CRACR2A: variants seen among roughly 807,000 people sequenced by gnomAD.
CRACR2A encodes calcium release activated channel regulator 2A.
CRACR2A carries 79 observed loss-of-function variants against 90.5 expected under a neutral mutation model. That is an observed-to-expected ratio of 0.87 (90% CI 0.73 to 1.05). CRACR2A has a LOEUF of 1.05. CRACR2A is among the 50% of genes least tolerant of loss of function. CRACR2A has a pLI of 0.00. For missense variants in CRACR2A, 823 were observed against 897.2 expected, an observed-to-expected ratio of 0.92 and a Z score of 1.06; for synonymous variants, 338 against 356.7, an observed-to-expected ratio of 0.95 and a Z score of 0.59.
chr12:3,747,499 C>T (rs547467121), intron 1 of CRACR2A, among the ~76,000 whole-genome samples: 6 of 152,256 alleles, frequency 3.9e-5, no homozygotes, highest in East Asian at 3.9e-4. Context: ...TTATGTGCAG[C>T]GGACAATGTG....
At chr12:3,636,976 C>G (rs925939543) in intron 14 of CRACR2A, among the ~76,000 whole-genome samples, 1 of 152,234 alleles carries the variant, frequency 6.6e-6, no homozygotes, top group African/African-American at 2.4e-5. Flanking sequence ...TGCCGTGGAT[C>G]GTTCTAAACT....
intron 17 of CRACR2A, among the ~76,000 whole-genome samples, chr12:3,625,734 G>A (rs539704184): frequency 2.6e-5 from 4 of 151,330 alleles, no homozygotes; most frequent in Admixed American, 6.6e-5. Flanking sequence ...ACCTGGATCC[G>A]TGACCACTAA....
chr12:3,671,478 T>TGA (rs1945241139), intron 7 of CRACR2A, among the ~76,000 whole-genome samples: 1 of 152,170 alleles, frequency 6.6e-6, no homozygotes, highest in African/African-American at 2.4e-5. Context: ...CAGAAACTCC[T>TGA]GATTCCGAGC....
chr12:3,740,465 T>G (rs560073208), intron 1 of CRACR2A, among the ~76,000 whole-genome samples: 2 of 152,258 alleles, frequency 1.3e-5, no homozygotes, highest in South Asian at 4.2e-4. Flanking sequence ...ATTTGCAACT[T>G]ACATGTCCTT....
chr12:3,678,980 G>A lies in CRACR2A; in HGVS notation c.459C>T (p.Gly153=), dbSNP rs754763063. 23 of 1,613,638 alleles carry A rather than the reference G, an allele frequency of 1.4e-5. No individual in the cohort carries two copies. Among genetic ancestry groups the A allele is most frequent in the Middle Eastern group, 1.6e-4 (1 of 6,084 alleles). Residue 153 remains glycine (G), a synonymous_variant, in exon 6 of 20, where the codon GGC becomes GGT. Transcript: ENST00000440314. ...SRGDEDLGDM[G]EDEEAQFRML... ...TCCGGAACTGGGCTTCCTCATCTTC[G>A]CCCATGTCGCCCAGATCCTCATCCC...
chr12:3,624,565 C>G (rs1217747492), intron 17 of CRACR2A, among the ~76,000 whole-genome samples: 1 of 152,226 alleles, frequency 6.6e-6, no homozygotes, highest in African/African-American at 2.4e-5. Flanking sequence ...GCCTCCTGCA[C>G]TTGTTTCTGA....
Position 3,638,280 on chromosome 12 carries a change from G to A in CRACR2A, c.1446C>T (p.Leu482=), listed in dbSNP as rs1228210538. The A allele has an allele frequency of 3.2e-6, 5 of 1,551,568 alleles. No homozygotes were observed. The African/African-American group carries it at 6.8e-5, about 21-fold the overall frequency. The change falls in exon 14 of 20, where the codon CTC becomes CTT. Residue 482 remains leucine (L), a synonymous_variant. Transcript: ENST00000440314. ...ISVEEDPLPQ[L]LDGGFEQPLS... ...GGGGTTGCTCAAAGCCACCATCCAG[G>A]AGCTGGGGCAGGGGGTCTTCTTCAA... is the stretch of plus-strand genomic sequence containing the variant.
intron 1 of CRACR2A, among the ~76,000 whole-genome samples, chr12:3,735,265 T>C (rs950713598): frequency 2.0e-5 from 3 of 152,058 alleles, no homozygotes; most frequent in Non-Finnish European, 4.4e-5. Context: ...GCCCAACTCC[T>C]GGAAAAGAGG....
rs569549929 is a variant in CRACR2A at position 3,678,908 on chromosome 12, C to T, written c.524+7G>A. The T allele has an allele frequency of 6.3e-7, 1 of 1,598,286 alleles. No homozygotes were observed. Among genetic ancestry groups the T allele is most frequent in the East Asian group, 2.2e-5 (1 of 44,666 alleles). Reference sequence around the variant, plus strand: ...TCTCCGTTCTACAAATCACTGTCACCACTTACTCTTCCAACACCTTTTGGG... The same window carrying T: ...TCTCCGTTCTACAAATCACTGTCACTACTTACTCTTCCAACACCTTTTGGG... On this transcript the variant is annotated splice_region_variant and intron_variant, in intron 6 of 19. Transcript: ENST00000440314.
At chr12:3,723,669 C>T (rs890256382) in intron 2 of CRACR2A, among the ~76,000 whole-genome samples, 6 of 152,030 alleles carry the variant, frequency 3.9e-5, no homozygotes, top group Non-Finnish European at 2.9e-5. Context: ...AGAGGCCAGG[C>T]CTTTCTCTCT....
At chr12:3,720,088 C>T (rs1021337345) in intron 2 of CRACR2A, among the ~76,000 whole-genome samples, 3 of 149,162 alleles carry the variant, frequency 2.0e-5, no homozygotes, top group Non-Finnish European at 4.4e-5. Context: ...CATTGCAATG[C>T]AGTCTAGGCA....
chr12:3,690,214 T>C (rs1419215780), intron 4 of CRACR2A, among the ~76,000 whole-genome samples: 1 of 152,208 alleles, frequency 6.6e-6, no homozygotes, highest in Non-Finnish European at 1.5e-5. Flanking sequence ...TAGGATTGGT[T>C]TGCTCTTGGT....
chr12:3,683,824 G>C (rs888163910), intron 4 of CRACR2A, among the ~76,000 whole-genome samples: 1 of 152,202 alleles, frequency 6.6e-6, no homozygotes, highest in East Asian at 1.9e-4. Flanking sequence ...GCTTGACTAA[G>C]AGCAATGGCA....
chr12:3,735,468 G>A (rs74058304), intron 1 of CRACR2A, among the ~76,000 whole-genome samples: 23,889 of 152,198 alleles, frequency 0.16, 2,078 homozygotes, highest in African/African-American at 0.2. Flanking sequence ...TAAGTAAATA[G>A]TAATAAAATA....
intron 17 of CRACR2A, among the ~76,000 whole-genome samples, chr12:3,619,837 A>G (rs1944099613): frequency 6.6e-6 from 1 of 152,240 alleles, no homozygotes; most frequent in Admixed American, 6.5e-5. Flanking sequence ...CTTTGATTAG[A>G]AACTGCATCA....
chr12:3,702,600 TAC>T (rs1436299634), intron 3 of CRACR2A, among the ~76,000 whole-genome samples: 7 of 152,220 alleles, frequency 4.6e-5, no homozygotes, highest in African/African-American at 1.7e-4. Context: ...CTAATACTTA[TAC>T]ACTGAAAGCT....
At chr12:3,744,393 A>C (rs1309167545) in intron 1 of CRACR2A, among the ~76,000 whole-genome samples, 1 of 152,220 alleles carries the variant, frequency 6.6e-6, no homozygotes, top group African/African-American at 2.4e-5. Flanking sequence ...TCTCGAGTAG[A>C]CACTAATGTG....
intron 15 of CRACR2A, among the ~76,000 whole-genome samples, chr12:3,628,431 A>G (rs1324592474): frequency 1.3e-5 from 2 of 152,082 alleles, no homozygotes; most frequent in Admixed American, 1.3e-4. Context: ...GTAAGAGAAA[A>G]AATCACAGGC....
At chr12:3,710,516 C>T (rs775153553) in intron 3 of CRACR2A, among the ~76,000 whole-genome samples, 6 of 152,028 alleles carry the variant, frequency 3.9e-5, no homozygotes, top group Non-Finnish European at 5.9e-5. Context: ...GGAAGTTGGC[C>T]GGGCGCAGTG....
Sources: gnomAD v4.1 joint callset for allele counts (sites outside exome capture counted in the v4.1 genomes callset) on GRCh38, gnomAD v4.1.1 for gene constraint, MANE v1.5 for transcripts, NCBI Gene and HGNC (gene_info 2026-07-23, HGNC 2026-07-21) for gene names.